OPCML: variants seen among roughly 807,000 people sequenced by gnomAD.
OPCML encodes the protein opioid-binding protein/cell adhesion molecule.
Under a neutral mutation model 37.8 loss-of-function variants are expected in OPCML, and 13 were observed. The observed-to-expected ratio is 0.34, with a 90% CI of 0.22 to 0.55. The LOEUF is 0.55. Ranked by LOEUF, OPCML falls within the 20% of genes least tolerant of loss-of-function variation. The pLI, the probability that OPCML is intolerant of heterozygous loss-of-function variation, is 0.91. For missense variants in OPCML, 341 were observed against 435.6 expected (o/e 0.78, Z 1.93); for synonymous variants, 176 against 168.8 (o/e 1.04, Z -0.33).
chr11:133,405,664 G>A (rs1945510080), intron 1 of OPCML, among the ~76,000 whole-genome samples: 1 of 152,136 alleles, frequency 6.6e-6, no homozygotes, highest in South Asian at 2.1e-4. Context: ...GCAGAGCTTT[G>A]AGGCTTCCCA....
intron 3 of OPCML, among the ~76,000 whole-genome samples, chr11:132,564,165 C>T (rs2096416995): frequency 6.6e-6 from 1 of 152,212 alleles, no homozygotes. Flanking sequence ...GCTCTCTTGG[C>T]CTGGTCACCC....
intron 4 of OPCML, among the ~76,000 whole-genome samples, chr11:132,490,108 G>T (rs914236229): frequency 2.0e-5 from 3 of 151,804 alleles, no homozygotes; most frequent in African/African-American, 7.3e-5. Context: ...CATTTGGGTT[G>T]GTTCCAAGTC....
chr11:132,567,791 A>G (rs2096427337), intron 3 of OPCML, among the ~76,000 whole-genome samples: 2 of 152,146 alleles, frequency 1.3e-5, no homozygotes, highest in African/African-American at 4.8e-5. Context: ...CTGAGGTTGC[A>G]TTGGAGGCAG....
At chr11:133,034,409 G>GT (rs1565409622) in intron 1 of OPCML, among the ~76,000 whole-genome samples, 2 of 151,710 alleles carry the variant, frequency 1.3e-5, no homozygotes, top group African/African-American at 4.8e-5. Flanking sequence ...TGAAAAGCCA[G>GT]TTGCCTGTTA....
At chr11:132,511,086 A>T (rs1340544013) in intron 4 of OPCML, among the ~76,000 whole-genome samples, 2 of 152,200 alleles carry the variant, frequency 1.3e-5, no homozygotes, top group African/African-American at 4.8e-5. Context: ...GTATCTAAAA[A>T]AAGTACTAGA....
intron 1 of OPCML, among the ~76,000 whole-genome samples, chr11:133,278,962 T>A (rs1942066329): frequency 6.6e-6 from 1 of 152,210 alleles, no homozygotes; most frequent in Non-Finnish European, 1.5e-5. Flanking sequence ...AGGAATTACA[T>A]CCCGAGCATG....
chr11:133,344,955 G>A (rs1170940485), intron 1 of OPCML, among the ~76,000 whole-genome samples: 8 of 152,124 alleles, frequency 5.3e-5, no homozygotes, highest in Admixed American at 1.3e-4. Flanking sequence ...CGTCACATGC[G>A]GAGATTCCCT....
intron 1 of OPCML, among the ~76,000 whole-genome samples, chr11:133,140,048 G>T (rs1360842012): frequency 1.3e-5 from 2 of 151,544 alleles, no homozygotes; most frequent in East Asian, 3.9e-4. Flanking sequence ...TTTGCTAGGC[G>T]TAGTGGCGCA....
chr11:133,322,856 G>C (rs1943365348), intron 1 of OPCML, among the ~76,000 whole-genome samples: 1 of 152,136 alleles, frequency 6.6e-6, no homozygotes, highest in Non-Finnish European at 1.5e-5. Context: ...CATGGTGCCA[G>C]ACACATGATA....
chr11:132,863,308 C>T (rs750628302), intron 2 of OPCML, among the ~76,000 whole-genome samples: 1 of 152,122 alleles, frequency 6.6e-6, no homozygotes, highest in Non-Finnish European at 1.5e-5. Context: ...GAGCTTTTGA[C>T]GTAGGAGGAC....
At chr11:132,830,075 A>T (rs1023901016) in intron 2 of OPCML, among the ~76,000 whole-genome samples, 5 of 152,130 alleles carry the variant, frequency 3.3e-5, no homozygotes, top group African/African-American at 7.2e-5. Context: ...GCCGAATAGA[A>T]TCTTATGGGA....
intron 3 of OPCML, among the ~76,000 whole-genome samples, chr11:132,534,144 T>G (rs1299647699): frequency 1.3e-5 from 2 of 152,178 alleles, no homozygotes; most frequent in Admixed American, 6.5e-5. Flanking sequence ...TGTGTAATTT[T>G]TTTTTCTGGG....
chr11:133,100,187 G>A (rs2137070503), intron 1 of OPCML, among the ~76,000 whole-genome samples: 1 of 152,152 alleles, frequency 6.6e-6, no homozygotes, highest in East Asian at 1.9e-4. Context: ...GTGGAAAGAG[G>A]GTGAGGATCA....
chr11:132,927,941 A>C (rs1410900731), intron 2 of OPCML, among the ~76,000 whole-genome samples: 1 of 151,982 alleles, frequency 6.6e-6, no homozygotes, highest in Admixed American at 6.6e-5. Context: ...AATCATGGGG[A>C]TATAGCATAA....
intron 1 of OPCML, among the ~76,000 whole-genome samples, chr11:133,340,364 G>A (rs892396766): frequency 2.6e-5 from 4 of 152,190 alleles, no homozygotes; most frequent in Admixed American, 1.3e-4. Context: ...TAGAGTAGGT[G>A]TGGAATCGAT....
intron 3 of OPCML, among the ~76,000 whole-genome samples, chr11:132,602,609 C>A (rs1048764932): frequency 1.4e-4 from 22 of 152,132 alleles, no homozygotes; most frequent in African/African-American, 5.3e-4. Flanking sequence ...TGCGTGGGGT[C>A]CCCAATGTTG....
chr11:132,461,169 A>T (rs975492505), intron 4 of OPCML, among the ~76,000 whole-genome samples: 1 of 152,084 alleles, frequency 6.6e-6, no homozygotes, highest in South Asian at 2.1e-4. Flanking sequence ...AAACCCTTAG[A>T]ATCTCTGCAG....
At chr11:133,201,176 G>A (rs1938768415) in intron 1 of OPCML, among the ~76,000 whole-genome samples, 1 of 152,032 alleles carries the variant, frequency 6.6e-6, no homozygotes. Flanking sequence ...CTACCTATCA[G>A]GTATTATGCT....
intron 1 of OPCML, among the ~76,000 whole-genome samples, chr11:133,371,142 G>GA (rs1944665120): frequency 6.6e-6 from 1 of 152,152 alleles, no homozygotes; most frequent in African/African-American, 2.4e-5. Context: ...GGTTGTTGCT[G>GA]AAAAAGACAA....
Sources: gnomAD v4.1 joint callset for allele counts (sites outside exome capture counted in the v4.1 genomes callset) on GRCh38, gnomAD v4.1.1 for gene constraint, MANE v1.5 for transcripts, NCBI Gene and HGNC (gene_info 2026-07-23, HGNC 2026-07-21) for gene names.